Variants in SMARCA2 observed in about 807,000 individuals in gnomAD.
SMARCA2 encodes SWI/SNF related BAF chromatin remodeling complex subunit ATPase 2, also known as SWI/SNF-related matrix-associated actin-dependent regulator of chromatin subfamily A member 2.
Under a neutral mutation model 199.8 loss-of-function variants are expected in SMARCA2, and 61 were observed. That is an observed-to-expected ratio of 0.31 (90% CI 0.25 to 0.38). The LOEUF (loss-of-function observed/expected upper bound fraction) is 0.38. Among genes scored for constraint, SMARCA2 ranks in the 10% least tolerant of loss-of-function variants. SMARCA2 has a pLI of 1.00. For missense variants in SMARCA2, 1,344 were observed against 2,012.2 expected, an observed-to-expected ratio of 0.67 and a Z score of 6.35; for synonymous variants, 935 against 732.0, an observed-to-expected ratio of 1.28 and a Z score of -4.48.
chr9:2,058,371 C>T lies in SMARCA2; in HGVS notation c.1428C>T (p.Leu476=). ...HRSVAGKIQK[L]SKAVATWHAN... Reference sequence around the variant, plus strand: ...CTGTGGCCGGAAAGATCCAGAAGCTCTCCAAAGCAGTGGCAACTTGGCATG... The same window carrying T: ...CTGTGGCCGGAAAGATCCAGAAGCTTTCCAAAGCAGTGGCAACTTGGCATG... The change falls in exon 8 of 34, where the codon CTC becomes CTT. Residue 476 remains leucine (L), a synonymous_variant. Coordinates refer to ENST00000349721, the MANE Select transcript of SMARCA2 (RefSeq NM_003070.5). 9 of 1,614,162 alleles carry T rather than the reference C, an allele frequency of 5.6e-6. No individual in the cohort carries two copies. Among genetic ancestry groups the T allele is most frequent in the Non-Finnish European group, 7.6e-6 (9 of 1,179,990 alleles).
chr9:2,186,051 G>A, intron 31 of SMARCA2, 45 bp from the exon 32 acceptor site: 4 of 1,593,848 alleles, frequency 2.5e-6, no homozygotes, highest in Non-Finnish European at 2.6e-6. Flanking sequence ...CACTGCCATG[G>A]TAACTCAGCT....
At chr9:2,090,371 G>T (rs1382648056) in intron 19 of SMARCA2, among the ~76,000 whole-genome samples, 1 of 152,132 alleles carries the variant, frequency 6.6e-6, no homozygotes, top group African/African-American at 2.4e-5. Context: ...ACCTTTAAAG[G>T]CAGCCATGTT....
rs552640718 is a variant in SMARCA2, at chr9:2,185,104, ACTTTGATGGGC to A, written c.4462-991_4462-981del. Reference sequence around the variant, plus strand: ...CAGTTCAGTAGTGTTAAGTATATTCACTTTGATGGGCAACAGATCTTCAGAACTTTTTAATC... The same window carrying A: ...CAGTTCAGTAGTGTTAAGTATATTCAAACAGATCTTCAGAACTTTTTAATC... On this transcript the variant is annotated intron_variant, in intron 31 of 33. Transcript: ENST00000349721. Among the ~76,000 whole-genome samples, 94 of 152,294 alleles carry A rather than the reference ACTTTGATGGGC, an allele frequency of 6.2e-4. 1 individual carries two copies. In the Middle Eastern group the frequency reaches 0.01, roughly 17 times the overall value.
chr9:2,178,927 G>T (rs942460612), intron 29 of SMARCA2, among the ~76,000 whole-genome samples: 1 of 152,180 alleles, frequency 6.6e-6, no homozygotes, highest in Admixed American at 6.5e-5. Context: ...CCACCCTGTA[G>T]GGAGGAGAGA....
intron 26 of SMARCA2, among the ~76,000 whole-genome samples, chr9:2,120,243 T>C (rs934374254): frequency 1.3e-5 from 2 of 152,184 alleles, no homozygotes; most frequent in African/African-American, 4.8e-5. Context: ...ACTTTGGTGG[T>C]TGAATGCTGC....
intron 28 of SMARCA2, among the ~76,000 whole-genome samples, chr9:2,168,999 G>A (rs933207653): frequency 6.6e-6 from 1 of 152,116 alleles, no homozygotes; most frequent in African/African-American, 2.4e-5. Flanking sequence ...GTGCACATTC[G>A]GAGATGACAT....
chr9:2,139,246 A>G (rs560555126), intron 27 of SMARCA2, among the ~76,000 whole-genome samples: 1 of 152,328 alleles, frequency 6.6e-6, no homozygotes, highest in Non-Finnish European at 1.5e-5. Flanking sequence ...CAGCCACACC[A>G]TGTGGGAGAT....
chr9:2,112,324 T>C (rs1356772193), intron 24 of SMARCA2, among the ~76,000 whole-genome samples: 1 of 152,176 alleles, frequency 6.6e-6, no homozygotes, highest in African/African-American at 2.4e-5. Context: ...TATTCTGTCT[T>C]CGGAGGTAAG....
chr9:2,153,406 G>A (rs1216597818), intron 27 of SMARCA2, among the ~76,000 whole-genome samples: 3 of 152,032 alleles, frequency 2.0e-5, no homozygotes, highest in Admixed American at 1.3e-4. Context: ...GGTGGTGTGC[G>A]CCTGTAGTCC....
chr9:2,162,774 C>T (rs1232224975), intron 28 of SMARCA2: 3 of 152,154 alleles, frequency 2.0e-5, no homozygotes, highest in South Asian at 2.1e-4. Context: ...GGGGGTGCAT[C>T]ATTCCTGGAG....
chr9:2,021,922 TGG>T (rs1174559025), intron 1 of SMARCA2: 11 of 146,014 alleles, frequency 7.5e-5, no homozygotes, highest in African/African-American at 2.7e-4. Flanking sequence ...GAGGTGGGGG[TGG>T]TGGCATCTGA....
In SMARCA2 at chr9:2,177,469, A is replaced by G. The variant is rs201652202; in HGVS notation, c.4254-4102A>G. On this transcript the variant is annotated intron_variant, in intron 29 of 33. Transcript: ENST00000349721. ...CTTGAGCAGGTAAAAAAGAAAAACC[A>G]TAAAAGACCCTCACTAATTATCAAT... Among the ~76,000 whole-genome samples, 14 of 152,350 alleles carry G rather than the reference A, an allele frequency of 9.2e-5. No homozygotes were observed. In the East Asian group the frequency reaches 2.3e-3, roughly 25 times the overall value.
At chr9:2,063,509 A>G (rs1409352004) in intron 9 of SMARCA2, among the ~76,000 whole-genome samples, 1 of 152,144 alleles carries the variant, frequency 6.6e-6, no homozygotes. Context: ...TGCTGTACCT[A>G]TCAATATTTT....
intron 27 of SMARCA2, among the ~76,000 whole-genome samples, chr9:2,143,740 A>T (rs1158586285): frequency 7.2e-5 from 11 of 152,210 alleles, no homozygotes; most frequent in Non-Finnish European, 1.6e-4. Context: ...ACAAAGAGAA[A>T]TATTTGCTTG....
chr9:2,067,229 A>G (rs776816863), intron 9 of SMARCA2, among the ~76,000 whole-genome samples: 1 of 152,244 alleles, frequency 6.6e-6, no homozygotes, highest in Non-Finnish European at 1.5e-5. Flanking sequence ...ATTGGCATCT[A>G]TTTATGATAG....
chr9:2,159,002 G>T (rs753647384), intron 27 of SMARCA2: 2 of 1,611,126 alleles, frequency 1.2e-6, no homozygotes, highest in African/African-American at 1.3e-5. Flanking sequence ...GTGTTTCCTT[G>T]TAATTCCAAA....
Position 2,060,802 on chromosome 9 carries a change from T to C in SMARCA2, c.1522-14T>C, listed in dbSNP as rs1226257317. 1 of 1,612,908 alleles carries C rather than the reference T, an allele frequency of 6.2e-7. No homozygotes were observed. The highest frequency in any genetic ancestry group is 1.1e-5 in the South Asian group (1 of 90,858). On this transcript the variant is annotated splice_polypyrimidine_tract_variant and intron_variant, in intron 8 of 33. Transcript: ENST00000349721. ...TTATATTATGCTCTCATCCTGCTCT[T>C]CTTTCCTTAATAGGCTGAAGATGAG...
At chr9:2,151,467 C>T (rs1345431333) in intron 27 of SMARCA2, among the ~76,000 whole-genome samples, 2 of 151,572 alleles carry the variant, frequency 1.3e-5, no homozygotes, top group African/African-American at 2.4e-5. Context: ...CACAGTGGCT[C>T]ATGCCTGTAA....
chr9:2,175,673 A>G (rs1826532616), intron 29 of SMARCA2, among the ~76,000 whole-genome samples: 1 of 152,196 alleles, frequency 6.6e-6, no homozygotes, highest in African/African-American at 2.4e-5. Flanking sequence ...GTTTGTTGGG[A>G]CCTACTTTAT....
Sources: allele counts gnomAD v4.1 joint callset (sites outside exome capture counted in the v4.1 genomes callset), GRCh38; gene constraint gnomAD v4.1.1; transcripts MANE v1.5; gene names NCBI Gene and HGNC (gene_info 2026-07-23, HGNC 2026-07-21).